ZNF114: variants seen among roughly 807,000 people sequenced by gnomAD.
ZNF114 encodes zinc finger protein 114, also known as zinc finger protein 114 (Y18).
Under a neutral mutation model 6.8 loss-of-function variants are expected in ZNF114, and 8 were observed. The ratio of observed to expected loss-of-function variants is 1.18; its 90% CI spans 0.69 to 2.13. ZNF114 has a LOEUF of 2.13. ZNF114 is among the 30% of genes most tolerant of loss of function. ZNF114 has a pLI of 0.00. For missense variants in ZNF114, 472 were observed against 519.5 expected, an observed-to-expected ratio of 0.91 and a Z score of 0.89; for synonymous variants, 169 against 185.5, an observed-to-expected ratio of 0.91 and a Z score of 0.72.
chr19:48,279,919 C>T, intron 4 of ZNF114, 111 bp downstream of exon 4: 2 of 1,531,170 alleles, frequency 1.3e-6, no homozygotes, highest in Non-Finnish European at 9.0e-7. Flanking sequence ...GGCAGGGCCC[C>T]CCGCCAGCCG....
intron 3 of ZNF114, among the ~76,000 whole-genome samples, chr19:48,277,405 C>T (rs973490114): frequency 3.3e-5 from 5 of 152,064 alleles, no homozygotes; most frequent in South Asian, 2.1e-4. Flanking sequence ...TTCCGTCATC[C>T]GTAAGGCTAT....
chr19:48,279,910 G>T (rs1185267155), intron 4 of ZNF114, 102 bp downstream of exon 4: 2 of 1,568,630 alleles, frequency 1.3e-6, no homozygotes, highest in South Asian at 2.2e-5. Context: ...ATGGAGCCAG[G>T]CAGGGCCCCC....
At chr19:48,282,281 C>T in intron 4 of ZNF114, 90 bp from the exon 5 acceptor site, 1 of 1,566,314 alleles carries the variant, frequency 6.4e-7, no homozygotes, top group Non-Finnish European at 8.7e-7. Context: ...GGGTTAAGAC[C>T]TCAACCTACC....
intron 3 of ZNF114, among the ~76,000 whole-genome samples, chr19:48,277,794 G>GTGTGTGTGTGTGTGTGTGT (rs1967877326): frequency 3.3e-5 from 4 of 119,410 alleles, no homozygotes; most frequent in South Asian, 3.1e-4. Context: ...GGAGGCATTG[G>GTGTGTGTGTGTGTGTGTGT]GTGTGTGTGT....
intron 3 of ZNF114, among the ~76,000 whole-genome samples, chr19:48,273,757 CTT>C (rs779316334): frequency 5.4e-4 from 69 of 127,082 alleles, no homozygotes; most frequent in Middle Eastern, 4.2e-3. Flanking sequence ...TGGGGCTTTT[CTT>C]TTTTTTTTTT....
chr19:48,286,975 A>G lies in ZNF114; in HGVS notation c.*97A>G. On this transcript the variant is annotated 3_prime_UTR_variant, in exon 6 of 6. Transcript: ENST00000595607. ...GCTCAAGGGGTTAGCATGAGTGAGA[A>G]CATCTTCCCTGAACTCTCGTATCTT... 7.7e-7 allele frequency: 1 copy of G among 1,297,546 alleles called. No homozygotes were observed. Among genetic ancestry groups the G allele is most frequent in the Non-Finnish European group, 1.0e-6 (1 of 963,958 alleles). 80.4% of individuals were successfully genotyped at this position (1,297,546 alleles called of 1,614,324 possible).
chr19:48,274,424 T>A (rs1053124184), intron 3 of ZNF114, among the ~76,000 whole-genome samples: 1 of 151,010 alleles, frequency 6.6e-6, no homozygotes, highest in Non-Finnish European at 1.5e-5. Flanking sequence ...GATGTCACAT[T>A]TGGAGCAGGA....
At chr19:48,274,385 A>T (rs1294922781) in intron 3 of ZNF114, among the ~76,000 whole-genome samples, 3 of 151,360 alleles carry the variant, frequency 2.0e-5, no homozygotes, top group Non-Finnish European at 2.9e-5. Flanking sequence ...ATACTATTTA[A>T]GTTGACCACA....
Position 48,285,744 on chromosome 19 carries a change from G to A in ZNF114, c.137-17G>A, listed in dbSNP as rs755954253. The A allele has an allele frequency of 1.7e-5, 27 of 1,580,624 alleles. No individual in the cohort carries two copies. The highest frequency in any genetic ancestry group is 2.3e-5 in the Non-Finnish European group (27 of 1,166,190). ...ACTTTCAACAAAGAATTTAACTTTTGTGCCACTGTATTTCAGATTGGGCAA... is the reference window on the plus strand; with the variant it reads ...ACTTTCAACAAAGAATTTAACTTTTATGCCACTGTATTTCAGATTGGGCAA... On this transcript the variant is annotated splice_polypyrimidine_tract_variant and intron_variant, in intron 5 of 5. Coordinates refer to ENST00000595607, the MANE Select transcript of ZNF114 (RefSeq NM_153608.4).
intron 3 of ZNF114, among the ~76,000 whole-genome samples, chr19:48,272,419 A>AT (rs67307264): frequency 0.028 from 4,104 of 144,934 alleles, 124 homozygotes; most frequent in Middle Eastern, 0.14. Flanking sequence ...CTCAAAAAAA[A>AT]AAATAAATAA....
In ZNF114 at chr19:48,286,825, T is replaced by C; in HGVS notation, c.1201T>C (p.Ser401Pro). 6.3e-7 allele frequency: 1 copy of C among 1,590,508 alleles called. No homozygotes were observed. The highest frequency in any genetic ancestry group is 8.5e-7 in the Non-Finnish European group (1 of 1,173,668). Residue 401 changes from serine (S) to proline (P), a missense_variant, in exon 6 of 6, where the codon TCA becomes CCA. By Grantham distance (74) the Ser-to-Pro change is moderately conservative (BLOSUM62 -1). Coordinates refer to ENST00000595607, the MANE Select transcript of ZNF114 (RefSeq NM_153608.4). The part of the protein sequence containing the change: ...KTCGKDFAKS[S>P]GLKKHLKTHK... The stretch of plus-strand genomic sequence containing the variant: ...ATGTGGAAAAGACTTTGCAAAGTCG[T>C]CAGGACTTAAAAAACATCTTAAGAC...
intron 4 of ZNF114, among the ~76,000 whole-genome samples, chr19:48,281,176 G>A (rs951880179): frequency 3.3e-5 from 5 of 152,088 alleles, no homozygotes; most frequent in South Asian, 2.1e-4. Context: ...ACGACCGGAC[G>A]TCAGTCTCTA....
intron 3 of ZNF114, among the ~76,000 whole-genome samples, chr19:48,274,415 A>G (rs1170105794): frequency 6.6e-6 from 1 of 150,908 alleles, no homozygotes; most frequent in Non-Finnish European, 1.5e-5. Context: ...CGGTCATCAG[A>G]TGTCACATTT....
At chr19:48,275,419 A>AACAAACACACACAC (rs1291408351) in intron 3 of ZNF114, among the ~76,000 whole-genome samples, 8 of 133,116 alleles carry the variant, frequency 6.0e-5, no homozygotes, top group African/African-American at 2.4e-4. Context: ...TCTCTACTAA[A>AACAAACACACACAC]ACACACACAC....
At chr19:48,283,631 G>A (rs1447891740) in intron 5 of ZNF114, among the ~76,000 whole-genome samples, 1 of 152,144 alleles carries the variant, frequency 6.6e-6, no homozygotes, top group East Asian at 1.9e-4. Context: ...AGACAGCAGG[G>A]TTTGCAACAG....
At chr19:48,274,477 AAC>A (rs1450273526) in intron 3 of ZNF114, among the ~76,000 whole-genome samples, 88 of 108,218 alleles carry the variant, frequency 8.1e-4, no homozygotes, top group African/African-American at 3.1e-3. Flanking sequence ...AATAGAAAAA[AAC>A]TTTTATATAT....
At position 48,286,814 on chromosome 19, in the gene ZNF114, T is replaced by C; in HGVS notation, c.1190T>C (p.Phe397Ser). Residue 397 changes from phenylalanine to serine, a missense_variant, in exon 6 of 6, where the codon TTT (phenylalanine) becomes TCT (serine). Transcript: ENST00000595607. ...PYKCKTCGKDFAKSSGLKKHL... is the reference protein window; with the variant it reads ...PYKCKTCGKDSAKSSGLKKHL... ...AAATGTAAGACATGTGGAAAAGACT[T>C]TGCAAAGTCGTCAGGACTTAAAAAA... The C allele has an allele frequency of 6.2e-7, 1 of 1,600,970 alleles. No individual in the cohort carries two copies. Among genetic ancestry groups the C allele is most frequent in the Non-Finnish European group, 8.5e-7 (1 of 1,176,542 alleles).
chr19:48,279,230 A>G (rs373523592), intron 3 of ZNF114, among the ~76,000 whole-genome samples: 3 of 150,780 alleles, frequency 2.0e-5, no homozygotes, highest in East Asian at 4.0e-4. Context: ...CCCCATCTCT[A>G]TGAAAATAAA....
rs758191153 is a variant in ZNF114 at position 48,286,486 on chromosome 19, G to C, written c.862G>C (p.Ala288Pro). 2.5e-6 allele frequency: 4 copies of C among 1,614,052 alleles called. No individual in the cohort carries two copies. The highest frequency in any genetic ancestry group is 2.2e-5 in the East Asian group (1 of 44,898). Residue 288 changes from alanine to proline, a missense_variant, in exon 6 of 6, where the codon GCT (alanine) becomes CCT (proline). Ala to Pro is a conservative substitution (Grantham distance 27). Transcript: ENST00000595607. ...TCAAACTGGGGCAACCTCTGCCAAC[G>C]CTCCAAATTCCGGTTCACACAAGAG... ...DCQTGATSAN[A>P]PNSGSHKSHC...
Sources: allele counts gnomAD v4.1 joint callset (sites outside exome capture counted in the v4.1 genomes callset), GRCh38; gene constraint gnomAD v4.1.1; transcripts MANE v1.5; gene names NCBI Gene and HGNC (gene_info 2026-07-23, HGNC 2026-07-21).